Variants in FANCA observed in about 807,000 individuals in gnomAD.
FANCA encodes the protein FA complementation group A.
FANCA carries 236 observed loss-of-function variants against 194.3 expected under a neutral mutation model. That is an observed-to-expected ratio of 1.21 (90% CI 1.09 to 1.35). FANCA has a LOEUF of 1.35. Among genes scored for constraint, FANCA ranks in the 40% most tolerant of loss-of-function variants. The probability of loss-of-function intolerance (pLI) is 0.00; values close to 1 mark genes in which losing one functional copy is unlikely to be tolerated. For synonymous variants in FANCA, 1,014 were observed against 715.8 expected, an observed-to-expected ratio of 1.42 and a Z score of -6.65; for missense variants, 2,628 against 1,813.9, an observed-to-expected ratio of 1.45 and a Z score of -8.15.
chr16:89,766,233 G>A (rs1277576447), intron 27 of FANCA, among the ~76,000 whole-genome samples: 1 of 151,738 alleles, frequency 6.6e-6, no homozygotes, highest in African/African-American at 2.4e-5. Context: ...TTGACCTCAT[G>A]ATCTGCCCGC....
chr16:89,804,804 G>A (rs960936980), intron 7 of FANCA, among the ~76,000 whole-genome samples: 6 of 152,052 alleles, frequency 3.9e-5, no homozygotes, highest in Non-Finnish European at 7.4e-5. Context: ...GAGGCCGAGG[G>A]GGGTGCATCA....
chr16:89,809,807 A>G (rs1294765291), intron 5 of FANCA, among the ~76,000 whole-genome samples: 1 of 150,514 alleles, frequency 6.6e-6, no homozygotes, highest in Non-Finnish European at 1.5e-5. Flanking sequence ...AAGCCAAGAT[A>G]GCACCATTGC....
chr16:89,781,140 G>C (rs1276333499), intron 17 of FANCA, among the ~76,000 whole-genome samples: 2 of 151,542 alleles, frequency 1.3e-5, no homozygotes, highest in Non-Finnish European at 2.9e-5. Context: ...CGAGGCAGAC[G>C]GATCACGAGG....
At chr16:89,802,257 C>G (rs1013310626) in intron 8 of FANCA, among the ~76,000 whole-genome samples, 7 of 150,990 alleles carry the variant, frequency 4.6e-5, no homozygotes, top group African/African-American at 1.7e-4. Context: ...TGTGCCACCA[C>G]GCCCGGCTAT....
chr16:89,778,667 C>T (rs956195602), intron 20 of FANCA, 134 bp downstream of exon 20: 3 of 489,738 alleles, frequency 6.1e-6, no homozygotes, highest in African/African-American at 4.4e-5. Context: ...AGTAACCAAC[C>T]AATTTTGGAG....
intron 30 of FANCA, 83 bp from the exon 31 acceptor site, chr16:89,752,305 G>T: frequency 1.8e-6 from 2 of 1,094,552 alleles, no homozygotes; most frequent in Non-Finnish European, 1.4e-6. Flanking sequence ...CTCCGGAGCT[G>T]AGTGATGGCT....
chr16:89,761,827 T>G, intron 29 of FANCA, 122 bp downstream of exon 29: 1 of 796,134 alleles, frequency 1.3e-6, no homozygotes, highest in Non-Finnish European at 2.2e-6. Context: ...AGTTTCCCCA[T>G]GTTGCCCAGG....
intron 31 of FANCA, among the ~76,000 whole-genome samples, chr16:89,751,822 G>A (rs1486197341): frequency 1.3e-5 from 2 of 151,486 alleles, no homozygotes; most frequent in African/African-American, 2.4e-5. Context: ...CCAGGCTGGA[G>A]TGCAGTGGCA....
intron 32 of FANCA, 30 bp from the exon 33 acceptor site, chr16:89,748,797 C>T (rs773934095): frequency 1.9e-6 from 3 of 1,581,428 alleles, no homozygotes; most frequent in South Asian, 2.2e-5. Flanking sequence ...TTGGTGGCGA[C>T]AGCACAGCGT....
At position 89,769,625 on chromosome 16, in the gene FANCA, T is replaced by C; in HGVS notation, c.2504+212A>G. The C allele has an allele frequency of 1.9e-5, 12 of 630,322 alleles. No homozygotes were observed. The South Asian group carries it at 2.2e-4, about 12-fold the overall frequency. 39.0% of individuals were successfully genotyped at this position (630,322 alleles called of 1,614,324 possible). On this transcript the variant is annotated intron_variant, in intron 26 of 42. Transcript: ENST00000389301. ...TATTAATTTCAGCAGTTTAGTATAA[T>C]ATGATCTCATTTTTATGAACAAAGA...
intron 35 of FANCA, among the ~76,000 whole-genome samples, chr16:89,745,806 C>T (rs1352933091): frequency 1.3e-5 from 2 of 151,848 alleles, no homozygotes; most frequent in South Asian, 4.2e-4. Flanking sequence ...GAGCTGGGAA[C>T]GAAACAGTGA....
intron 14 of FANCA, among the ~76,000 whole-genome samples, chr16:89,790,678 G>A (rs533118744): frequency 5.9e-5 from 9 of 151,548 alleles, no homozygotes; most frequent in Admixed American, 2.0e-4. Flanking sequence ...GCAGTGAGCC[G>A]AGAAGGTGAG....
chr16:89,751,406 A>C lies in FANCA; in HGVS notation c.3066+732T>G, dbSNP rs530430973. Among the ~76,000 whole-genome samples, 7 of 152,278 alleles carry C rather than the reference A, an allele frequency of 4.6e-5. No individual in the cohort carries two copies. The South Asian group carries it at 1.2e-3, about 27-fold the overall frequency. On this transcript the variant is annotated intron_variant, in intron 31 of 42. Coordinates refer to ENST00000389301, the MANE Select transcript of FANCA (RefSeq NM_000135.4). Reference sequence around the variant, plus strand: ...AGGATTGCTTGAGCCCAGGAAGTCAAGGCTGCAGAGAGATATGATCGCACC... The same window carrying C: ...AGGATTGCTTGAGCCCAGGAAGTCACGGCTGCAGAGAGATATGATCGCACC...
intron 29 of FANCA, among the ~76,000 whole-genome samples, chr16:89,759,330 A>AAAAAAAAAAAAAAAAAAAAAG (rs2038869287): frequency 1.4e-5 from 2 of 145,294 alleles, no homozygotes; most frequent in African/African-American, 2.5e-5. Context: ...AAAAAAAAAA[A>AAAAAAAAAAAAAAAAAAAAAG]AAAAAAAAAA....
At chr16:89,768,109 A>G (rs949328032) in intron 26 of FANCA, among the ~76,000 whole-genome samples, 1 of 152,222 alleles carries the variant, frequency 6.6e-6, no homozygotes, top group Non-Finnish European at 1.5e-5. Flanking sequence ...CTTGGGCAAC[A>G]CAGTGAGACC....
intron 35 of FANCA, among the ~76,000 whole-genome samples, chr16:89,746,321 G>A (rs183934211): frequency 6.6e-6 from 1 of 152,300 alleles, no homozygotes; most frequent in Admixed American, 6.5e-5. Context: ...GTGCCCGTGG[G>A]GTCTGAGTGG....
rs771775516 is a variant in FANCA at position 89,739,992 on chromosome 16, A to G, written c.3934+2T>C. The G allele has an allele frequency of 1.2e-6, 2 of 1,614,090 alleles. No individual in the cohort carries two copies. The highest frequency in any genetic ancestry group is 1.1e-5 in the South Asian group (1 of 91,086). ...TTTGTGCCTCAGCAGCGTGTTTCTT[A>G]CCACTCTCTGTCAACTGAAAGAGTG... On this transcript the variant is annotated splice_donor_variant, in intron 39 of 42. Coordinates refer to ENST00000389301, the MANE Select transcript of FANCA (RefSeq NM_000135.4). LOFTEE classifies it high-confidence loss of function.
chr16:89,753,613 G>T (rs1213708363), intron 30 of FANCA, among the ~76,000 whole-genome samples: 2 of 152,162 alleles, frequency 1.3e-5, no homozygotes, highest in Non-Finnish European at 2.9e-5. Context: ...AGGAACAAAG[G>T]AAATCTTCTC....
rs1461376582 is a variant in FANCA, at chr16:89,739,532, A to AG, written c.3955dup (p.Leu1319ProfsTer26). Reference sequence around the variant, plus strand: ...GTGCTGATCCGGGGCCACACGGAGGAGGAGCCGCCCCAGCCTGAGGTCTGC... The same window carrying AG: ...GTGCTGATCCGGGGCCACACGGAGGAGGGAGCCGCCCCAGCCTGAGGTCTGC... On this transcript the variant is annotated frameshift_variant, in exon 40 of 43. Transcript: ENST00000389301. LOFTEE classifies it high-confidence loss of function. 6.4e-7 allele frequency: 1 copy of AG among 1,551,354 alleles called. No homozygotes were observed. Among genetic ancestry groups the AG allele is most frequent in the Admixed American group, 2.0e-5 (1 of 51,014 alleles).
Sources: allele counts gnomAD v4.1 joint callset (sites outside exome capture counted in the v4.1 genomes callset), GRCh38; gene constraint gnomAD v4.1.1; transcripts MANE v1.5; gene names NCBI Gene and HGNC (gene_info 2026-07-23, HGNC 2026-07-21).